MAP3K10: variants seen among roughly 807,000 people sequenced by gnomAD.
MAP3K10 encodes mitogen-activated protein kinase kinase kinase 10, also known as MKN28 derived nonreceptor_type serine/threonine kinase.
MAP3K10 carries 22 observed loss-of-function variants against 75.0 expected under a neutral mutation model. That is an observed-to-expected ratio of 0.29 (90% CI 0.21 to 0.42). MAP3K10 has a LOEUF of 0.42. Ranked by LOEUF, MAP3K10 falls within the 10% of genes least tolerant of loss-of-function variation. MAP3K10 has a pLI of 1.00. For missense variants in MAP3K10, 1,165 were observed against 1,379.8 expected (o/e 0.84, Z 2.47); for synonymous variants, 599 against 612.9 (o/e 0.98, Z 0.34).
In MAP3K10 at chr19:40,215,034, C is replaced by T. The variant is rs1973325648; in HGVS notation, c.2607C>T (p.Arg869=). 6.2e-7 allele frequency: 1 copy of T among 1,600,476 alleles called. No individual in the cohort carries two copies. ...CCCAGGCCCTGTTCCCAGCCCGCCG[C>T]CGGCCCCCTGAGTTCCCAGGCCGCC... is the stretch of plus-strand genomic sequence containing the variant. ...PDPQALFPAR[R]RPPEFPGRPT... Residue 869 remains arginine (R), a synonymous_variant, in exon 10 of 10, where the codon CGC becomes CGT. Transcript: ENST00000253055.
chr19:40,195,258 C>T (rs1972883380), intron 1 of MAP3K10, among the ~76,000 whole-genome samples: 1 of 152,024 alleles, frequency 6.6e-6, no homozygotes, highest in African/African-American at 2.4e-5. Flanking sequence ...GACATGATTA[C>T]ATAAAGATTT....
intron 5 of MAP3K10, among the ~76,000 whole-genome samples, chr19:40,208,780 A>G (rs1479729053): frequency 2.6e-5 from 4 of 151,976 alleles, no homozygotes; most frequent in Admixed American, 2.0e-4. Flanking sequence ...ACACGTAGCT[A>G]CTGGCGGCCA....
In MAP3K10 at chr19:40,213,797, C is replaced by T; in HGVS notation, c.2118C>T (p.Leu706=). The T allele has an allele frequency of 1.6e-6, 2 of 1,273,576 alleles. No homozygotes were observed. The highest frequency in any genetic ancestry group is 1.8e-5 in the South Asian group (1 of 55,104). 78.9% of individuals were successfully genotyped at this position (1,273,576 alleles called of 1,614,324 possible). ...ACGGTGAGGAGCAGCGGCGCTGGCTCGACGGCCTCTTCTTTCCCCGCGCCG... is the reference window on the plus strand; with the variant it reads ...ACGGTGAGGAGCAGCGGCGCTGGCTTGACGGCCTCTTCTTTCCCCGCGCCG... The part of the protein sequence containing the change: ...AADGEEQRRW[L]DGLFFPRAGR... The change falls in exon 9 of 10, where the codon CTC becomes CTT. Residue 706 remains leucine (L), a synonymous_variant. Transcript: ENST00000253055. This position sits in a 1 kb window ranked among gnomAD's most constrained non-coding sequence, Gnocchi z 5.7.
intron 6 of MAP3K10, among the ~76,000 whole-genome samples, chr19:40,210,193 G>C (rs1568493077): frequency 6.6e-6 from 1 of 152,016 alleles, no homozygotes; most frequent in Non-Finnish European, 1.5e-5. Context: ...CATGAGCCCG[G>C]GAGGCGGAGC....
chr19:40,213,970 C>G lies in MAP3K10; in HGVS notation c.2291C>G (p.Ser764Cys). Residue 764 changes from serine to cysteine, a missense_variant, in exon 9 of 10, where the codon TCT (serine) becomes TGT (cysteine). By Grantham distance (112) the Ser-to-Cys change is moderately radical (BLOSUM62 -1). This residue lies in a region of MAP3K10 where 590 missense variants were observed against 586.6 expected (regional missense o/e 1.01). Coordinates refer to ENST00000253055, the MANE Select transcript of MAP3K10 (RefSeq NM_002446.4). This position sits in a 1 kb window ranked among gnomAD's most constrained non-coding sequence, Gnocchi z 5.7. ...AACTCCACGCGTTCACTGCTGCGCT[C>G]TGACAGTGACGAGGCCGCACCGGCC... The part of the protein sequence containing the change: ...DCNSTRSLLR[S>C]DSDEAAPAAP... The G allele has an allele frequency of 6.5e-7, 1 of 1,535,690 alleles. No homozygotes were observed. Among genetic ancestry groups the G allele is most frequent in the Non-Finnish European group, 8.7e-7 (1 of 1,148,154 alleles).
chr19:40,214,183 G>A lies in MAP3K10; in HGVS notation c.2504G>A (p.Gly835Glu). The A allele has an allele frequency of 6.8e-7, 1 of 1,462,588 alleles. No individual in the cohort carries two copies. Among genetic ancestry groups the A allele is most frequent in the Non-Finnish European group, 8.9e-7 (1 of 1,117,754 alleles). 90.6% of individuals were successfully genotyped at this position (1,462,588 alleles called of 1,614,324 possible). A position where few individuals can be genotyped will look rare whatever the true frequency, so the allele number is the denominator to read the frequency against. Residue 835 changes from glycine (G) to glutamate (E), a missense_variant, in exon 9 of 10, where the codon GGG becomes GAG. Coordinates refer to ENST00000253055, the MANE Select transcript of MAP3K10 (RefSeq NM_002446.4). ...CGGACGCCATCGGACGGGGCGCTGG[G>A]GCAGCGGGGGCCGCCCGAGCCCGCG... ...HRRTPSDGAL[G>E]QRGPPEPAGH... is the part of the protein sequence containing the mutation.
In MAP3K10 at chr19:40,213,038, AC is replaced by A; in HGVS notation, c.1725-37del. 1.3e-6 allele frequency: 2 copies of A among 1,598,664 alleles called. No homozygotes were observed. Among genetic ancestry groups the A allele is most frequent in the Non-Finnish European group, 1.7e-6 (2 of 1,171,376 alleles). On this transcript the variant is annotated intron_variant, in intron 7 of 9. Coordinates refer to ENST00000253055, the MANE Select transcript of MAP3K10 (RefSeq NM_002446.4). This position sits in a 1 kb window ranked among gnomAD's most constrained non-coding sequence, Gnocchi z 5.7. ...AGCCCCAGCTCCCAGGCTCCAGGCCACAGGACTGAGGTCTCCATCTCTCCCT... is the reference window on the plus strand; with the variant it reads ...AGCCCCAGCTCCCAGGCTCCAGGCCAAGGACTGAGGTCTCCATCTCTCCCT...
rs189676931 is a variant in MAP3K10 at position 40,194,336 on chromosome 19, T to C, written c.682+1623T>C. On this transcript the variant is annotated intron_variant, in intron 1 of 9. Coordinates refer to ENST00000253055, the MANE Select transcript of MAP3K10 (RefSeq NM_002446.4). ...TTGCACCACTGCACTCCAGCCTGGG[T>C]GACAGAGCAAGATTCCATCGCAAAA... Among the ~76,000 whole-genome samples, 216 of 151,766 alleles carry C rather than the reference T, an allele frequency of 1.4e-3. 4 individuals carry two copies. The highest frequency in any genetic ancestry group is 0.013 in the Admixed American group (193 of 15,214).
chr19:40,215,533 A>T lies in MAP3K10; in HGVS notation c.*241A>T. On this transcript the variant is annotated 3_prime_UTR_variant, in exon 10 of 10. Transcript: ENST00000253055. Reference sequence around the variant, plus strand: ...ACTCAGGGACAGGGCATCATGGGGGATTTGGCACAAAATGGAGCATTAAAG... The same window carrying T: ...ACTCAGGGACAGGGCATCATGGGGGTTTTGGCACAAAATGGAGCATTAAAG... The T allele has an allele frequency of 2.3e-6, 1 of 441,078 alleles. No individual in the cohort carries two copies. Among genetic ancestry groups the T allele is most frequent in the Non-Finnish European group, 4.1e-6 (1 of 242,966 alleles). 27.3% of individuals were successfully genotyped at this position (441,078 alleles called of 1,614,324 possible). A position where few individuals can be genotyped will look rare whatever the true frequency, so the allele number is the denominator to read the frequency against.
intron 2 of MAP3K10, among the ~76,000 whole-genome samples, chr19:40,201,793 GCTT>G (rs1261179727): frequency 1.5e-5 from 2 of 136,630 alleles, no homozygotes; most frequent in Non-Finnish European, 3.1e-5. Context: ...CCACACGCCA[GCTT>G]TTTTTTTTTT....
At chr19:40,206,694 T>C (rs1250977026) in intron 5 of MAP3K10, among the ~76,000 whole-genome samples, 1 of 152,214 alleles carries the variant, frequency 6.6e-6, no homozygotes, top group Non-Finnish European at 1.5e-5. Context: ...GCTTTCTACC[T>C]GCCCCTCCAG....
chr19:40,214,498 CTG>C (rs911973811), intron 9 of MAP3K10, among the ~76,000 whole-genome samples: 42 of 152,334 alleles, frequency 2.8e-4, no homozygotes, highest in African/African-American at 9.6e-4. Context: ...AGCCTAGACA[CTG>C]TTCTCCTCCA....
Position 40,206,085 on chromosome 19 carries a change from C to T in MAP3K10, c.1363C>T (p.Arg455Cys), listed in dbSNP as rs192728745. Residue 455 changes from arginine to cysteine, a missense_variant, in exon 5 of 10, where the codon CGC (arginine) becomes TGC (cysteine). This residue lies in a region of MAP3K10 where 575 missense variants were observed against 793.2 expected (regional missense o/e 0.72). Coordinates refer to ENST00000253055, the MANE Select transcript of MAP3K10 (RefSeq NM_002446.4). ...CCAGGAGAAGCCCCGGGTCCGCAAG[C>T]GCAAGGGCAACTTCAAGCGCAGCCG... The part of the protein sequence containing the change: ...LSQEKPRVRK[R>C]KGNFKRSRLL... 2 of 1,613,422 alleles carry T rather than the reference C, an allele frequency of 1.2e-6. No homozygotes were observed. Among genetic ancestry groups the T allele is most frequent in the East Asian group, 2.2e-5 (1 of 44,874 alleles).
rs1377059534 is a variant in MAP3K10 at position 40,213,449 on chromosome 19, C to T, written c.1838-68C>T. On this transcript the variant is annotated intron_variant, in intron 8 of 9. Coordinates refer to ENST00000253055, the MANE Select transcript of MAP3K10 (RefSeq NM_002446.4). This position sits in a 1 kb window ranked among gnomAD's most constrained non-coding sequence, Gnocchi z 5.7. Reference sequence around the variant, plus strand: ...GTTGGAGGGGTCATCGGGGGCTGTCCCTTGGCACAAGTCCCCGTGGGGCCC... The same window carrying T: ...GTTGGAGGGGTCATCGGGGGCTGTCTCTTGGCACAAGTCCCCGTGGGGCCC... 1 of 1,579,068 alleles carries T rather than the reference C, an allele frequency of 6.3e-7. No homozygotes were observed.
At chr19:40,194,246 A>C (rs1160467584) in intron 1 of MAP3K10, among the ~76,000 whole-genome samples, 1 of 152,118 alleles carries the variant, frequency 6.6e-6, no homozygotes, top group Non-Finnish European at 1.5e-5. Context: ...CTGTAATCCC[A>C]GCTACTCAGG....
rs1204334253 is a variant in MAP3K10 at position 40,201,468 on chromosome 19, C to T, written c.863+2913C>T. Among the ~76,000 whole-genome samples, 3 of 148,326 alleles carry T rather than the reference C, an allele frequency of 2.0e-5. No individual in the cohort carries two copies. The Admixed American group carries it at 2.0e-4, about 10-fold the overall frequency. ...TGGGCCTCCTAAAGTGCTGGGATTACAGGCGTCAGCCACCGCACCCAGCCT... is the reference window on the plus strand; with the variant it reads ...TGGGCCTCCTAAAGTGCTGGGATTATAGGCGTCAGCCACCGCACCCAGCCT... On this transcript the variant is annotated intron_variant, in intron 2 of 9. Coordinates refer to ENST00000253055, the MANE Select transcript of MAP3K10 (RefSeq NM_002446.4).
chr19:40,201,244 C>T (rs987614086), intron 2 of MAP3K10, among the ~76,000 whole-genome samples: 81 of 149,674 alleles, frequency 5.4e-4, no homozygotes, highest in Non-Finnish European at 4.9e-4. Flanking sequence ...GCGATCTTGG[C>T]TCACTGAAAC....
chr19:40,197,702 C>G (rs1972933583), intron 1 of MAP3K10, among the ~76,000 whole-genome samples: 1 of 152,144 alleles, frequency 6.6e-6, no homozygotes, highest in Non-Finnish European at 1.5e-5. Context: ...AGAATTGGGA[C>G]CCTGACTGCA....
At chr19:40,197,313 C>CTTTGTT (rs1039814903) in intron 1 of MAP3K10, among the ~76,000 whole-genome samples, 5 of 152,008 alleles carry the variant, frequency 3.3e-5, no homozygotes, top group Admixed American at 2.0e-4. Flanking sequence ...TGCACTCTGC[C>CTTTGTT]TTTGTTTTTG....
Sources: gnomAD v4.1 joint callset for allele counts (sites outside exome capture counted in the v4.1 genomes callset) on GRCh38, gnomAD v4.1.1 for gene constraint, gnomAD v4.1.1 regional missense constraint, Gnocchi (gnomAD v3.1) non-coding constraint, MANE v1.5 for transcripts, NCBI Gene and HGNC (gene_info 2026-07-23, HGNC 2026-07-21) for gene names.